Variants in PAGE2B observed in about 807,000 individuals in gnomAD.
PAGE2B encodes putative G antigen family E member 3.
Under a neutral mutation model 7.6 loss-of-function variants are expected in PAGE2B, and 5 were observed. The observed-to-expected ratio is 0.66, with a 90% CI of 0.34 to 1.38. The LOEUF is 1.38. PAGE2B is among the 40% of genes most tolerant of loss of function. The pLI is 0.04. For missense variants in PAGE2B, 70 were observed against 78.4 expected, an observed-to-expected ratio of 0.89 and a Z score of 0.41; for synonymous variants, 29 against 26.7, an observed-to-expected ratio of 1.09 and a Z score of -0.27.
the PAGE2B span, among the ~76,000 whole-genome samples, chrX:55,039,707 G>A: frequency 9.0e-6 from 1 of 111,374 alleles, no homozygotes; most frequent in Non-Finnish European, 1.9e-5. Flanking sequence ...TTATTATCTT[G>A]TCGATTTCTC....
the PAGE2B span, among the ~76,000 whole-genome samples, chrX:55,068,457 G>A: frequency 2.7e-5 from 3 of 111,813 alleles, no homozygotes; most frequent in East Asian, 8.4e-4. Context: ...AGTACAGTTT[G>A]AAGTCAGGTA....
At chrX:55,037,735 A>G in the PAGE2B span, among the ~76,000 whole-genome samples, 1 of 110,460 alleles carries the variant, frequency 9.1e-6, no homozygotes, top group African/African-American at 3.3e-5. Flanking sequence ...AAAAAGGATG[A>G]GTTCATTTCT....
At chrX:55,042,640 C>T in the PAGE2B span, among the ~76,000 whole-genome samples, 1 of 60,925 alleles carries the variant, frequency 1.6e-5, no homozygotes, top group African/African-American at 7.1e-5. Flanking sequence ...GGCGACAGAG[C>T]GAGACTCCGT....
chrX:55,046,182 T>G, the PAGE2B span, among the ~76,000 whole-genome samples: 1 of 111,696 alleles, frequency 9.0e-6, no homozygotes, highest in South Asian at 3.8e-4. Flanking sequence ...GGCACGATCT[T>G]GGCTCACTGC....
the PAGE2B span, among the ~76,000 whole-genome samples, chrX:55,054,254 A>T: frequency 3.6e-5 from 4 of 111,761 alleles, no homozygotes. Context: ...AACAACAAAA[A>T]TTATCTATTA....
chrX:55,039,278 A>G, the PAGE2B span, among the ~76,000 whole-genome samples: 232 of 111,376 alleles, frequency 2.1e-3, no homozygotes, highest in African/African-American at 6.9e-3. Context: ...GAATGACCCA[A>G]TTCATATAAT....
At chrX:55,038,593 T>G in the PAGE2B span, among the ~76,000 whole-genome samples, 17 of 111,893 alleles carry the variant, frequency 1.5e-4, no homozygotes, top group Non-Finnish European at 3.0e-4. Flanking sequence ...AGGGTTTAGC[T>G]GTCTCTTACT....
the PAGE2B span, among the ~76,000 whole-genome samples, chrX:55,029,937 G>T: frequency 9.2e-6 from 1 of 109,067 alleles, no homozygotes; most frequent in South Asian, 4.2e-4. Flanking sequence ...ACTCATTGCA[G>T]CATTCCTTGT....
the PAGE2B span, among the ~76,000 whole-genome samples, chrX:55,053,413 A>T: frequency 2.7e-5 from 3 of 111,892 alleles, no homozygotes; most frequent in Non-Finnish European, 3.8e-5. Flanking sequence ...TAGCTAATGC[A>T]TGCAGGGCTT....
At chrX:55,047,198 G>A in the PAGE2B span, among the ~76,000 whole-genome samples, 2 of 109,943 alleles carry the variant, frequency 1.8e-5, no homozygotes, top group Admixed American at 9.7e-5. Context: ...TTGTCCTTGC[G>A]ATAGTTTGCT....
chrX:55,069,990 C>T, the PAGE2B span, among the ~76,000 whole-genome samples: 1 of 110,971 alleles, frequency 9.0e-6, no homozygotes, highest in Non-Finnish European at 1.9e-5. Flanking sequence ...TTTCAAGAAG[C>T]CAGCTCAGGA....
At chrX:55,074,793 GC>G (rs1051820862), upstream of PAGE2B, among the ~76,000 whole-genome samples, 1 of 112,532 alleles carries the variant, frequency 8.9e-6, no homozygotes, top group Non-Finnish European at 1.9e-5. Flanking sequence ...ATTCTCCAAA[GC>G]CACTGGAAGT....
the PAGE2B span, among the ~76,000 whole-genome samples, chrX:55,041,617 TA>T: frequency 1.8e-5 from 2 of 111,862 alleles, no homozygotes; most frequent in Non-Finnish European, 3.8e-5. Context: ...CCCCAGGCAG[TA>T]AACTGCCCCT....
At chrX:55,070,782 A>T (rs1339938026), upstream of PAGE2B, among the ~76,000 whole-genome samples, 7 of 111,947 alleles carry the variant, frequency 6.3e-5, no homozygotes, top group Non-Finnish European at 1.1e-4. Flanking sequence ...CTTTACCATT[A>T]TGTAATGCCC....
At chrX:55,065,750 T>C in the PAGE2B span, among the ~76,000 whole-genome samples, 1 of 111,969 alleles carries the variant, frequency 8.9e-6, no homozygotes, top group African/African-American at 3.2e-5. Flanking sequence ...GGTTTGCAAA[T>C]ACTATCTTAT....
the PAGE2B span, among the ~76,000 whole-genome samples, chrX:55,036,502 T>A: frequency 9.0e-6 from 1 of 111,507 alleles, no homozygotes; most frequent in East Asian, 2.8e-4. Flanking sequence ...TGAGAGTTTT[T>A]AGCATGAAGG....
At chrX:55,045,536 G>T in the PAGE2B span, among the ~76,000 whole-genome samples, 1 of 111,052 alleles carries the variant, frequency 9.0e-6, no homozygotes, top group Non-Finnish European at 1.9e-5. Context: ...AAAAAAAATA[G>T]GTATATGTGG....
chrX:55,070,339 T>G (rs1334755967), upstream of PAGE2B, among the ~76,000 whole-genome samples: 1 of 112,111 alleles, frequency 8.9e-6, no homozygotes, highest in East Asian at 2.8e-4. Flanking sequence ...CATGTAGTTG[T>G]GAGGTTTTGA....
At chrX:55,045,123 G>C in the PAGE2B span, 1 of 112,077 alleles carries the variant, frequency 8.9e-6, no homozygotes, top group East Asian at 2.8e-4. Context: ...TTAAACACTA[G>C]TTATACTTTT....
Sources: allele counts gnomAD v4.1 joint callset (sites outside exome capture counted in the v4.1 genomes callset), GRCh38; gene constraint gnomAD v4.1.1; transcripts MANE v1.5; gene names NCBI Gene and HGNC (gene_info 2026-07-23, HGNC 2026-07-21).